Variants in DHX15 observed in about 807,000 individuals in gnomAD.
DHX15 encodes the protein ATP-dependent RNA helicase DHX15.
Under a neutral mutation model 94.4 loss-of-function variants are expected in DHX15, and 11 were observed. The observed-to-expected ratio is 0.12, with a 90% CI of 0.07 to 0.19. The LOEUF is 0.19. DHX15 is among the 10% of genes least tolerant of loss of function. The probability of loss-of-function intolerance (pLI) is 1.00; values close to 1 mark genes in which losing one functional copy is unlikely to be tolerated. For synonymous variants in DHX15, 338 were observed against 329.9 expected (o/e 1.02, Z -0.27); for missense variants, 304 against 988.5 (o/e 0.31, Z 9.29).
rs1165457134 is a variant in DHX15, at chr4:24,578,935, G to A, written c.72-2257C>T. The stretch of plus-strand genomic sequence containing the variant: ...ATGGTCAAGAGTTACAAAATTTGGG[G>A]GAAGAGAGGTGACAAAGTAAATCAT... On this transcript the variant is annotated intron_variant, in intron 1 of 13. Transcript: ENST00000336812. Among the ~76,000 whole-genome samples, 7 of 152,212 alleles carry A rather than the reference G, an allele frequency of 4.6e-5. No individual in the cohort carries two copies. In the South Asian group the frequency reaches 8.3e-4, roughly 18 times the overall value.
chr4:24,533,300 T>C (rs1374802607), intron 11 of DHX15: 2 of 521,320 alleles, frequency 3.8e-6, no homozygotes, highest in Non-Finnish European at 3.4e-6. Context: ...TTGAATTAAC[T>C]GTTTTTAGTG....
At position 24,561,302 on chromosome 4, in the gene DHX15, C is replaced by T. The variant is rs1721868616; in HGVS notation, c.702-4892G>A. 3.9e-5 allele frequency among the ~76,000 whole-genome samples: 6 copies of T among 152,222 alleles called. No homozygotes were observed. In the South Asian group the frequency reaches 1.2e-3, roughly 32 times the overall value. The stretch of plus-strand genomic sequence containing the variant: ...CATCTTATACCAGTCAGCATGGCTA[C>T]TAAAAAGTCAAAAAATAACAAGGTT... On this transcript the variant is annotated intron_variant, in intron 3 of 13. Transcript: ENST00000336812.
intron 5 of DHX15, among the ~76,000 whole-genome samples, chr4:24,553,687 G>C (rs1301866651): frequency 6.6e-6 from 1 of 151,914 alleles, no homozygotes; most frequent in Non-Finnish European, 1.5e-5. Context: ...TGAGGCAAGA[G>C]AATCGCTTGA....
At chr4:24,540,728 G>A (rs1577334823) in intron 9 of DHX15, 112 bp downstream of exon 9, 2 of 594,720 alleles carry the variant, frequency 3.4e-6, no homozygotes, top group Non-Finnish European at 5.8e-6. Context: ...GATGCATACT[G>A]GATGGAAAAA....
chr4:24,579,075 C>T (rs1722347309), intron 1 of DHX15, among the ~76,000 whole-genome samples: 1 of 152,154 alleles, frequency 6.6e-6, no homozygotes, highest in African/African-American at 2.4e-5. Context: ...GTATAAAATA[C>T]ATTCTAAAGA....
At chr4:24,545,435 CT>C (rs547175388) in intron 6 of DHX15, among the ~76,000 whole-genome samples, 133 of 152,252 alleles carry the variant, frequency 8.7e-4, no homozygotes, top group African/African-American at 2.9e-3. Context: ...ATACATGATT[CT>C]GCAAGTGTTT....
intron 10 of DHX15, chr4:24,538,076 T>C (rs1362751769): frequency 6.6e-6 from 1 of 152,214 alleles, no homozygotes; most frequent in Non-Finnish European, 1.5e-5. Context: ...ACAAAGCATG[T>C]ACTACATTTT....
At chr4:24,533,598 C>T (rs1053359588) in intron 11 of DHX15, 7 of 157,152 alleles carry the variant, frequency 4.5e-5, no homozygotes, top group African/African-American at 1.7e-4. Context: ...GAAACCTCCA[C>T]TCATGTTTAA....
intron 1 of DHX15, among the ~76,000 whole-genome samples, chr4:24,583,343 G>A (rs1722511483): frequency 6.6e-6 from 1 of 152,158 alleles, no homozygotes; most frequent in South Asian, 2.1e-4. Flanking sequence ...GTTTGTGTAA[G>A]TATTTCAACT....
chr4:24,560,404 T>A (rs1226814522), intron 3 of DHX15, among the ~76,000 whole-genome samples: 1 of 150,770 alleles, frequency 6.6e-6, no homozygotes, highest in East Asian at 2.0e-4. Flanking sequence ...GTAAAATACA[T>A]GGATTAAATT....
chr4:24,583,085 A>T (rs377455651), intron 1 of DHX15, among the ~76,000 whole-genome samples: 1 of 152,230 alleles, frequency 6.6e-6, no homozygotes, highest in Admixed American at 6.5e-5. Context: ...TTAGCTGAAA[A>T]ATTCAAAACA....
intron 3 of DHX15, 137 bp downstream of exon 3, chr4:24,570,517 T>C (rs1722099311): frequency 4.8e-6 from 3 of 627,146 alleles, no homozygotes; most frequent in African/African-American, 1.8e-5. Flanking sequence ...ACTAAGGTCA[T>C]GTGGTAAGTC....
intron 12 of DHX15, 180 bp from the exon 13 acceptor site, chr4:24,529,950 C>T (rs55831351): frequency 0.062 from 38,844 of 625,050 alleles, 1,465 homozygotes; most frequent in African/African-American, 0.099. Flanking sequence ...CCAAATCCAA[C>T]TCATAGCCTC....
chr4:24,537,135 C>T lies in DHX15; in HGVS notation c.1825G>A (p.Ala609Thr). The part of the protein sequence containing the change: ...CFVRPTEAKK[A>T]ADEAKMRFAH... ...AATCTCATCTTGGCCTCATCTGCGG[C>T]TTTCTTGGCCTCCGTGGGGCGAACA... is the stretch of plus-strand genomic sequence containing the variant. Residue 609 changes from alanine to threonine, a missense_variant, in exon 11 of 14, where the codon GCC (alanine) becomes ACC (threonine). Physicochemically the swap from Ala to Thr is moderately conservative, Grantham distance 58. Transcript: ENST00000336812. This position sits in a 1 kb window ranked among gnomAD's most constrained non-coding sequence, Gnocchi z 4.7. The T allele has an allele frequency of 6.2e-7, 1 of 1,613,914 alleles. No individual in the cohort carries two copies. The highest frequency in any genetic ancestry group is 8.5e-7 in the Non-Finnish European group (1 of 1,179,880).
At chr4:24,544,156 G>C (rs1210742538) in intron 6 of DHX15, among the ~76,000 whole-genome samples, 1 of 151,906 alleles carries the variant, frequency 6.6e-6, no homozygotes, top group East Asian at 1.9e-4. Context: ...AATGCCTATG[G>C]GCACATACAA....
At chr4:24,536,462 A>G (rs1265453741) in intron 11 of DHX15, among the ~76,000 whole-genome samples, 1 of 152,218 alleles carries the variant, frequency 6.6e-6, no homozygotes, top group Non-Finnish European at 1.5e-5. Context: ...ACTCCCATAC[A>G]GCTAAGGAAT....
intron 8 of DHX15, among the ~76,000 whole-genome samples, chr4:24,541,188 A>G (rs1308816398): frequency 6.6e-6 from 1 of 152,172 alleles, no homozygotes; most frequent in Non-Finnish European, 1.5e-5. Flanking sequence ...AAATTCGTAT[A>G]GTAGTCTTCA....
intron 13 of DHX15, among the ~76,000 whole-genome samples, chr4:24,528,512 A>G (rs1473645824): frequency 6.6e-6 from 1 of 152,182 alleles, no homozygotes; most frequent in Admixed American, 6.5e-5. Context: ...TAGCTATATA[A>G]TTTTTTTCTC....
chr4:24,550,596 A>G (rs1320604900), intron 5 of DHX15, among the ~76,000 whole-genome samples: 1 of 152,150 alleles, frequency 6.6e-6, no homozygotes, highest in Non-Finnish European at 1.5e-5. Context: ...CAATATCACT[A>G]TCTTCCACCT....
Sources: allele counts gnomAD v4.1 joint callset (sites outside exome capture counted in the v4.1 genomes callset), GRCh38; gene constraint gnomAD v4.1.1; non-coding constraint Gnocchi (gnomAD v3.1); transcripts MANE v1.5; gene names NCBI Gene and HGNC (gene_info 2026-07-23, HGNC 2026-07-21).